PDS5A: variants seen among roughly 807,000 people sequenced by gnomAD.
PDS5A encodes PDS5 cohesin associated factor A.
PDS5A carries 42 observed loss-of-function variants against 167.1 expected under a neutral mutation model. That is an observed-to-expected ratio of 0.25 (90% confidence interval 0.20 to 0.33). The LOEUF is 0.33. Ranked by LOEUF, PDS5A falls within the 10% of genes least tolerant of loss-of-function variation. The pLI is 1.00. For missense variants in PDS5A, 1,033 were observed against 1,605.9 expected, an observed-to-expected ratio of 0.64 and a Z score of 6.10; for synonymous variants, 553 against 554.6, an observed-to-expected ratio of 1.00 and a Z score of 0.04.
At chr4:39,952,725 A>AT (rs35943320) in intron 2 of PDS5A, among the ~76,000 whole-genome samples, 44,335 of 128,230 alleles carry the variant, frequency 0.35, 8,862 homozygotes, top group Middle Eastern at 0.43. Context: ...CAGATCTGGA[A>AT]TTTTTTTTTT....
intron 29 of PDS5A, among the ~76,000 whole-genome samples, 188 bp from the exon 30 acceptor site, chr4:39,844,989 C>A (rs1191860687): frequency 1.3e-5 from 2 of 152,164 alleles, no homozygotes; most frequent in African/African-American, 4.8e-5. Context: ...AGGTGGATCA[C>A]TTGAGGCCAT....
At chr4:39,846,659 A>T (rs1717637253) in intron 28 of PDS5A, 1 of 152,242 alleles carries the variant, frequency 6.6e-6, no homozygotes, top group Admixed American at 6.5e-5. Context: ...TGATCTCTTG[A>T]TGCCTTTTCC....
intron 16 of PDS5A, among the ~76,000 whole-genome samples, chr4:39,896,570 C>T (rs1722431255): frequency 6.6e-6 from 1 of 151,530 alleles, no homozygotes; most frequent in African/African-American, 2.4e-5. Context: ...AGTTCCAGAC[C>T]AGCTTGGACA....
intron 17 of PDS5A, among the ~76,000 whole-genome samples, chr4:39,888,241 CAAAAAAAAAAAAA>C (rs34845975): frequency 1.8e-5 from 1 of 56,268 alleles, no homozygotes; most frequent in Non-Finnish European, 3.5e-5. Context: ...AAGACTCCGG[CAAAAAAAAAAAAA>C]AAAAAAAAAA....
At chr4:39,934,436 G>C (rs1726377868) in intron 2 of PDS5A, among the ~76,000 whole-genome samples, 1 of 151,960 alleles carries the variant, frequency 6.6e-6, no homozygotes, top group Non-Finnish European at 1.5e-5. Flanking sequence ...TGCCATTCAG[G>C]CCTTTTTAAA....
At chr4:39,860,028 G>C (rs551831324) in intron 26 of PDS5A, among the ~76,000 whole-genome samples, 2 of 152,026 alleles carry the variant, frequency 1.3e-5, no homozygotes, top group African/African-American at 4.8e-5. Context: ...GAGCCCAGGA[G>C]TTCAAGACTA....
rs1722791655 is a variant in PDS5A at position 39,900,571 on chromosome 4, A to C, written c.1500-64T>G. The stretch of plus-strand genomic sequence containing the variant: ...AATACTGGAAATTATTCAGCTTTAC[A>C]ACCTTTCTTGTTGCATGCTGTATAT... On this transcript the variant is annotated intron_variant, in intron 13 of 32. Transcript: ENST00000303538. The C allele has an allele frequency of 3.7e-6, 4 of 1,081,152 alleles. No homozygotes were observed. The East Asian group carries it at 7.7e-5, about 21-fold the overall frequency. The allele number at this position is 1,081,152 out of a possible 1,614,324, so 67.0% of individuals were successfully genotyped here.
chr4:39,888,612 A>C (rs1056316053), intron 17 of PDS5A, among the ~76,000 whole-genome samples: 4 of 152,168 alleles, frequency 2.6e-5, no homozygotes, highest in African/African-American at 9.6e-5. Context: ...GCCATAAAAA[A>C]AGAATGAAAT....
intron 16 of PDS5A, among the ~76,000 whole-genome samples, chr4:39,891,109 C>T (rs992830968): frequency 6.6e-6 from 1 of 151,802 alleles, no homozygotes; most frequent in Non-Finnish European, 1.5e-5. Flanking sequence ...TCTTGGCTCA[C>T]TGCAACCTCC....
rs559814132 is a variant in PDS5A, at chr4:39,898,014, T to C, written c.1770+375A>G. 1.3e-5 allele frequency: 12 copies of C among 955,210 alleles called. No homozygotes were observed. The African/African-American group carries it at 1.6e-4, about 13-fold the overall frequency. 59.2% of individuals were successfully genotyped at this position (955,210 alleles called of 1,614,324 possible). ...TTATCTGTAAATGAAACCAGATATA[T>C]GGCAATGTTACTACTACTAATTTAT... is the stretch of plus-strand genomic sequence containing the variant. On this transcript the variant is annotated intron_variant, in intron 16 of 32. Coordinates refer to ENST00000303538, the MANE Select transcript of PDS5A (RefSeq NM_001100399.2).
intron 18 of PDS5A, 107 bp from the exon 19 acceptor site, chr4:39,877,260 G>T: frequency 1.5e-6 from 1 of 647,796 alleles, no homozygotes; most frequent in Non-Finnish European, 2.5e-6. Flanking sequence ...GGGTAAATAT[G>T]CTAGCTACAC....
intron 5 of PDS5A, among the ~76,000 whole-genome samples, chr4:39,923,791 T>C (rs573842652): frequency 2.6e-5 from 4 of 152,096 alleles, no homozygotes; most frequent in African/African-American, 9.6e-5. Context: ...TTTTTTCAAC[T>C]CCCACACCTT....
chr4:39,962,566 G>A (rs1578836341), intron 2 of PDS5A, among the ~76,000 whole-genome samples: 1 of 151,950 alleles, frequency 6.6e-6, no homozygotes, highest in Non-Finnish European at 1.5e-5. Flanking sequence ...AGCACTTTGG[G>A]AGGCCGAGGC....
chr4:39,969,937 T>C lies in PDS5A; in HGVS notation c.138+6503A>G, dbSNP rs374700442. ...TATGGATAAATGTAATATGAAGGAG[T>C]TGAAGGGTATGTAATGTAGAATCTT... On this transcript the variant is annotated intron_variant, in intron 2 of 32. Coordinates refer to ENST00000303538, the MANE Select transcript of PDS5A (RefSeq NM_001100399.2). Among the ~76,000 whole-genome samples the C allele has an allele frequency of 1.6e-4, 23 of 148,178 alleles. No homozygotes were observed. The South Asian group carries it at 4.7e-3, about 31-fold the overall frequency.
At position 39,977,559 on chromosome 4, in the gene PDS5A, CCCGCCGCCGCCGCCG is replaced by C. The variant is rs563638933; in HGVS notation, c.-158_-144del. On this transcript the variant is annotated 5_prime_UTR_variant, in exon 1 of 33. Transcript: ENST00000303538. The surrounding 1 kb of genome is among the most constrained non-coding windows in gnomAD (Gnocchi z 4.2). Reference sequence around the variant, plus strand: ...CTGCACACAAAGCGGCTCCGCGGGTCCCGCCGCCGCCGCCGCCGCCGCCCGCCCGCCCGGGAGCGG... The same window carrying C: ...CTGCACACAAAGCGGCTCCGCGGGTCCCGCCGCCCGCCCGCCCGGGAGCGG... 6.3e-6 allele frequency: 1 copy of C among 159,172 alleles called. No homozygotes were observed. Among genetic ancestry groups the C allele is most frequent in the Non-Finnish European group, 1.3e-5 (1 of 74,830 alleles). 9.9% of individuals were successfully genotyped at this position (159,172 alleles called of 1,614,324 possible). A position where few individuals can be genotyped will look rare whatever the true frequency, so the allele number is the denominator to read the frequency against.
At chr4:39,963,197 T>C (rs1257649140) in intron 2 of PDS5A, among the ~76,000 whole-genome samples, 1 of 152,024 alleles carries the variant, frequency 6.6e-6, no homozygotes, top group Non-Finnish European at 1.5e-5. Context: ...GGCTCACAGC[T>C]GTAATCCCAG....
At chr4:39,864,545 A>G (rs867960462) in intron 23 of PDS5A, among the ~76,000 whole-genome samples, 2 of 152,262 alleles carry the variant, frequency 1.3e-5, no homozygotes, top group Admixed American at 1.3e-4. Context: ...TGGCTTTTGT[A>G]TTTATTGTGA....
intron 9 of PDS5A, among the ~76,000 whole-genome samples, chr4:39,910,994 C>T (rs770215910): frequency 3.3e-5 from 5 of 152,036 alleles, no homozygotes; most frequent in Admixed American, 3.3e-4. Flanking sequence ...ATCAGCCGGG[C>T]GTGGAGGCAT....
intron 2 of PDS5A, among the ~76,000 whole-genome samples, chr4:39,960,948 A>C (rs1469431003): frequency 6.6e-6 from 1 of 152,126 alleles, no homozygotes; most frequent in Non-Finnish European, 1.5e-5. Flanking sequence ...TCGGCCTCCC[A>C]AAGTGCTGGC....
Sources: allele counts gnomAD v4.1 joint callset (sites outside exome capture counted in the v4.1 genomes callset), GRCh38; gene constraint gnomAD v4.1.1; non-coding constraint Gnocchi (gnomAD v3.1); transcripts MANE v1.5; gene names NCBI Gene and HGNC (gene_info 2026-07-23, HGNC 2026-07-21).